The following DLGAP2 variants were observed in gnomAD, a reference collection of about 807,000 sequenced individuals.
DLGAP2 encodes DLG associated protein 2, also known as disks large-associated protein 2.
In DLGAP2, 26 loss-of-function variants were observed where a neutral mutation model predicts 100.3. The observed-to-expected ratio is 0.26, with a 90% CI of 0.19 to 0.36. The LOEUF (loss-of-function observed/expected upper bound fraction) is 0.36, where lower values mean the gene tolerates loss of function less well. Ranked by LOEUF, DLGAP2 falls within the 10% of genes least tolerant of loss-of-function variation. DLGAP2 has a pLI of 1.00. For missense variants in DLGAP2, 1,858 were observed against 1,453.2 expected (o/e 1.28, Z -4.53); for synonymous variants, 886 against 630.1 (o/e 1.41, Z -6.08).
At chr8:1,344,113 A>AC (rs1563094938) in intron 3 of DLGAP2, among the ~76,000 whole-genome samples, 5 of 149,518 alleles carry the variant, frequency 3.3e-5, no homozygotes, top group East Asian at 1.9e-4. Flanking sequence ...GGGTCCATGT[A>AC]TTCGGGGCCC....
At chr8:866,885 G>T (rs1206922444) in intron 1 of DLGAP2, among the ~76,000 whole-genome samples, 1 of 152,158 alleles carries the variant, frequency 6.6e-6, no homozygotes, top group Non-Finnish European at 1.5e-5. Context: ...GTGTTCTCCT[G>T]TCGCCCCAAC....
chr8:1,427,392 A>C (rs1411265888), intron 3 of DLGAP2, among the ~76,000 whole-genome samples: 1 of 152,222 alleles, frequency 6.6e-6, no homozygotes, highest in Non-Finnish European at 1.5e-5. Context: ...AATCAATTAC[A>C]AACATTTTAA....
At chr8:970,004 T>G (rs1799973964) in intron 2 of DLGAP2, among the ~76,000 whole-genome samples, 1 of 152,238 alleles carries the variant, frequency 6.6e-6, no homozygotes, top group African/African-American at 2.4e-5. Context: ...TGAGTGAAAT[T>G]CTGACATGGT....
chr8:1,033,926 T>TGC (rs1802053318), intron 2 of DLGAP2, among the ~76,000 whole-genome samples: 1 of 39,364 alleles, frequency 2.5e-5, no homozygotes, highest in Non-Finnish European at 4.8e-5. Context: ...CCCGACCCCA[T>TGC]GTGTCACCGC....
intron 2 of DLGAP2, among the ~76,000 whole-genome samples, chr8:1,038,068 G>A (rs567942745): frequency 2.2e-4 from 34 of 152,362 alleles, no homozygotes; most frequent in African/African-American, 7.7e-4. Context: ...TGTCGTTGGT[G>A]TCCTCGGATG....
chr8:982,955 A>G (rs547826645), intron 2 of DLGAP2, among the ~76,000 whole-genome samples: 17 of 151,348 alleles, frequency 1.1e-4, no homozygotes, highest in African/African-American at 3.6e-4. Context: ...TCCTTAAGAA[A>G]GATTTGCCAA....
chr8:859,006 C>G (rs1039252447), intron 1 of DLGAP2, among the ~76,000 whole-genome samples: 2 of 152,124 alleles, frequency 1.3e-5, no homozygotes, highest in African/African-American at 4.8e-5. Context: ...TTGTGCTCAA[C>G]TTTTCTGTAA....
At chr8:877,699 T>C (rs780997297) in intron 1 of DLGAP2, among the ~76,000 whole-genome samples, 2 of 152,244 alleles carry the variant, frequency 1.3e-5, no homozygotes, top group African/African-American at 2.4e-5. Context: ...CACCTGTGTC[T>C]TGAATCTCTT....
Position 1,031,041 on chromosome 8 carries a change from G to T in DLGAP2, c.73+123075G>T, listed in dbSNP as rs142505274. Among the ~76,000 whole-genome samples the T allele has an allele frequency of 3.4e-3, 514 of 152,288 alleles. 1 individual carries two copies. Among genetic ancestry groups the T allele is most frequent in the African/African-American group, 0.012 (494 of 41,560 alleles). ...AAAGGTTGTTTTTCCTGGTGGCTGC[G>T]GGTCTTCTGCCTCCACTCTGTTCCC... On this transcript the variant is annotated intron_variant, in intron 2 of 14. Coordinates refer to ENST00000637795, the MANE Select transcript of DLGAP2 (RefSeq NM_001346810.2).
At chr8:1,177,198 T>A (rs1284055484) in intron 2 of DLGAP2, among the ~76,000 whole-genome samples, 2 of 152,192 alleles carry the variant, frequency 1.3e-5, no homozygotes, top group Non-Finnish European at 2.9e-5. Context: ...CTTACATCTT[T>A]TCTTGCAGTT....
chr8:951,989 C>T (rs1241012052), intron 2 of DLGAP2, among the ~76,000 whole-genome samples: 1 of 152,238 alleles, frequency 6.6e-6, no homozygotes, highest in African/African-American at 2.4e-5. Flanking sequence ...TCTGGTTCCT[C>T]CACTTGGACT....
intron 1 of DLGAP2, among the ~76,000 whole-genome samples, chr8:757,743 A>G (rs1016529927): frequency 6.6e-6 from 1 of 152,202 alleles, no homozygotes; most frequent in Non-Finnish European, 1.5e-5. Context: ...TGTTTTTAGC[A>G]GAATCTAGAG....
intron 2 of DLGAP2, among the ~76,000 whole-genome samples, chr8:1,010,868 G>T (rs1294894546): frequency 6.6e-6 from 1 of 152,222 alleles, no homozygotes; most frequent in Non-Finnish European, 1.5e-5. Flanking sequence ...CACAGGCAGG[G>T]GCCTGCACAG....
At chr8:1,061,971 A>G (rs2129035301) in intron 2 of DLGAP2, among the ~76,000 whole-genome samples, 1 of 152,150 alleles carries the variant, frequency 6.6e-6, no homozygotes, top group Non-Finnish European at 1.5e-5. Flanking sequence ...TACTAGAGCA[A>G]ATGATATCAT....
intron 2 of DLGAP2, among the ~76,000 whole-genome samples, chr8:1,250,890 C>A (rs949444133): frequency 1.1e-4 from 16 of 152,214 alleles, no homozygotes; most frequent in African/African-American, 3.6e-4. Flanking sequence ...GAAACGTGCC[C>A]TTAGGCGGCT....
chr8:1,011,287 C>G (rs1257650352), intron 2 of DLGAP2, among the ~76,000 whole-genome samples: 1 of 149,134 alleles, frequency 6.7e-6, no homozygotes, highest in Non-Finnish European at 1.5e-5. Context: ...ACAGTGAGCC[C>G]TGGAATGGGG....
At chr8:1,234,825 C>T (rs1331410504) in intron 2 of DLGAP2, among the ~76,000 whole-genome samples, 2 of 152,168 alleles carry the variant, frequency 1.3e-5, no homozygotes, top group Non-Finnish European at 2.9e-5. Context: ...GAGTTCACGG[C>T]GTCACGTCAG....
intron 3 of DLGAP2, among the ~76,000 whole-genome samples, chr8:1,447,291 C>A (rs1484595099): frequency 1.3e-5 from 2 of 152,170 alleles, no homozygotes; most frequent in Non-Finnish European, 2.9e-5. Context: ...GAGTTTTTAG[C>A]ATGAAGGTTG....
chr8:1,139,495 C>T (rs369918597), intron 2 of DLGAP2, among the ~76,000 whole-genome samples: 15 of 152,188 alleles, frequency 9.9e-5, no homozygotes, highest in African/African-American at 2.2e-4. Flanking sequence ...GGGCCTCCCT[C>T]GGCGCTAATC....
Sources: allele counts gnomAD v4.1 joint callset (sites outside exome capture counted in the v4.1 genomes callset), GRCh38; gene constraint gnomAD v4.1.1; transcripts MANE v1.5; gene names NCBI Gene and HGNC (gene_info 2026-07-23, HGNC 2026-07-21).